The following TMEM245 variants were observed in gnomAD, a reference collection of about 807,000 sequenced individuals.
The protein encoded by TMEM245 is protein CG-2.
TMEM245 carries 69 observed loss-of-function variants against 101.2 expected under a neutral mutation model. That is an observed-to-expected ratio of 0.68 (90% CI 0.56 to 0.83). The LOEUF is 0.83. Ranked by LOEUF, TMEM245 falls within the 40% of genes least tolerant of loss-of-function variation. The probability of loss-of-function intolerance (pLI) is 0.00; values close to 1 mark genes in which losing one functional copy is unlikely to be tolerated. For missense variants in TMEM245, 1,075 were observed against 1,092.8 expected (o/e 0.98, Z 0.23); for synonymous variants, 537 against 449.8 (o/e 1.19, Z -2.45).
At chr9:109,075,493 C>T (rs1386770754) in intron 8 of TMEM245, among the ~76,000 whole-genome samples, 3 of 152,156 alleles carry the variant, frequency 2.0e-5, no homozygotes, top group Admixed American at 6.6e-5. Context: ...TGGGCCTGAG[C>T]GCTTCTTGGT....
chr9:109,107,203 C>T (rs777457021), intron 2 of TMEM245, among the ~76,000 whole-genome samples: 1 of 151,008 alleles, frequency 6.6e-6, no homozygotes, highest in Non-Finnish European at 1.5e-5. Flanking sequence ...GCCTGGCCAG[C>T]ATGGTGAAAT....
At chr9:109,084,603 G>C (rs949594829) in intron 7 of TMEM245, among the ~76,000 whole-genome samples, 13 of 152,268 alleles carry the variant, frequency 8.5e-5, no homozygotes, top group African/African-American at 3.1e-4. Flanking sequence ...CATCGCTTGA[G>C]CCCAAGTTCA....
intron 16 of TMEM245, among the ~76,000 whole-genome samples, chr9:109,033,921 C>T (rs533517076): frequency 6.6e-6 from 1 of 152,294 alleles, no homozygotes; most frequent in Non-Finnish European, 1.5e-5. Context: ...TATATGACGA[C>T]AGCAACAATG....
rs1271046950 is a variant in TMEM245, at chr9:109,019,748, T to C, written c.*712A>G. The C allele has an allele frequency of 6.6e-6, 1 of 152,612 alleles. No individual in the cohort carries two copies. 9.5% of individuals were successfully genotyped at this position (152,612 alleles called of 1,614,324 possible). A position where few individuals can be genotyped will look rare whatever the true frequency, so the allele number is the denominator to read the frequency against. ...CATACTGTTACCATTCATAGCAGCT[T>C]AATAAGTATTTCACTTCAACGTGGT... is the stretch of plus-strand genomic sequence containing the variant. On this transcript the variant is annotated 3_prime_UTR_variant, in exon 18 of 18. Coordinates refer to ENST00000374586, the MANE Select transcript of TMEM245 (RefSeq NM_032012.4).
intron 7 of TMEM245, among the ~76,000 whole-genome samples, chr9:109,082,014 C>A (rs1261158328): frequency 6.6e-6 from 1 of 152,152 alleles, no homozygotes; most frequent in Non-Finnish European, 1.5e-5. Flanking sequence ...ATGCACTGCT[C>A]AACCCCAAGG....
intron 17 of TMEM245, among the ~76,000 whole-genome samples, chr9:109,031,966 T>C (rs1411836928): frequency 1.3e-5 from 2 of 152,252 alleles, no homozygotes; most frequent in Non-Finnish European, 2.9e-5. Context: ...TAAAAATGTA[T>C]AAACCTACAC....
chr9:109,065,706 T>C (rs1409816126), intron 9 of TMEM245, among the ~76,000 whole-genome samples: 2 of 152,166 alleles, frequency 1.3e-5, no homozygotes, highest in Non-Finnish European at 2.9e-5. Flanking sequence ...ATTATCTAAA[T>C]TGTTCCTCTT....
At position 109,017,271 on chromosome 9, in the gene TMEM245, C is replaced by G. The variant is rs185738163; in HGVS notation, c.*3189G>C. On this transcript the variant is annotated 3_prime_UTR_variant, in exon 18 of 18. Transcript: ENST00000374586. Reference sequence around the variant, plus strand: ...TCCATGTAACATGTTGGATTTCTTCCCACTGTCATGGGCCAACCCACACTA... The same window carrying G: ...TCCATGTAACATGTTGGATTTCTTCGCACTGTCATGGGCCAACCCACACTA... 6.6e-6 allele frequency: 1 copy of G among 152,296 alleles called. No individual in the cohort carries two copies. Among genetic ancestry groups the G allele is most frequent in the East Asian group, 1.9e-4 (1 of 5,188 alleles). 9.4% of individuals were successfully genotyped at this position (152,296 alleles called of 1,614,324 possible).
chr9:109,048,419 G>A (rs1216196958), intron 14 of TMEM245, among the ~76,000 whole-genome samples: 1 of 151,306 alleles, frequency 6.6e-6, no homozygotes, highest in Non-Finnish European at 1.5e-5. Flanking sequence ...GATCAATCAG[G>A]TGCAATTATC....
At chr9:109,050,235 G>T in intron 14 of TMEM245, 48 bp downstream of exon 14, 1 of 1,604,776 alleles carries the variant, frequency 6.2e-7, no homozygotes, top group Non-Finnish European at 8.5e-7. Context: ...GCTTATCATG[G>T]AAAAAAAGTT....
In TMEM245 at chr9:109,050,581, C is replaced by T. The variant is rs1353428024; in HGVS notation, c.1966G>A (p.Val656Ile). Residue 656 changes from valine (V) to isoleucine (I), a missense_variant, in exon 13 of 18, where the codon GTA becomes ATA. This residue lies in a region of TMEM245 where 267 missense variants were observed against 351.3 expected (regional missense o/e 0.76). Transcript: ENST00000374586. ...CTATGTGGACGTACCAGAGAGAGTA[C>T]AAAATTGAGAAGGGCTGTCCCGCTG... ...FYSGTALLNF[V>I]LSLIIFLTTL... 6.2e-7 allele frequency: 1 copy of T among 1,613,664 alleles called. No individual in the cohort carries two copies. The highest frequency in any genetic ancestry group is 2.2e-5 in the East Asian group (1 of 44,860).
intron 14 of TMEM245, chr9:109,046,224 CAT>C (rs1472507355): frequency 1.9e-6 from 1 of 534,502 alleles, no homozygotes; most frequent in South Asian, 1.4e-5. Context: ...TGCATGCACT[CAT>C]GTGAAAATAT....
rs955455520 is a variant in TMEM245, at chr9:109,015,794, TCTGAAAA to T, written c.*4659_*4665del. ...TCTCACAGGGCTGTTACAAAAGGTG[TCTGAAAA>T]CTATAAAGTGCCATACAAAAGCATT... On this transcript the variant is annotated 3_prime_UTR_variant, in exon 18 of 18. Transcript: ENST00000374586. 2 of 152,456 alleles carry T rather than the reference TCTGAAAA, an allele frequency of 1.3e-5. No individual in the cohort carries two copies. Among genetic ancestry groups the T allele is most frequent in the Non-Finnish European group, 2.9e-5 (2 of 68,038 alleles). The allele number at this position is 152,456 out of a possible 1,614,324, so 9.4% of individuals were successfully genotyped here.
intron 3 of TMEM245, among the ~76,000 whole-genome samples, chr9:109,105,294 CATA>C (rs1037229401): frequency 4.6e-5 from 7 of 152,022 alleles, no homozygotes; most frequent in East Asian, 1.9e-4. Context: ...AAATGAAAAC[CATA>C]ATGAGATACC....
At chr9:109,056,865 C>G (rs1828854564) in intron 12 of TMEM245, among the ~76,000 whole-genome samples, 1 of 152,110 alleles carries the variant, frequency 6.6e-6, no homozygotes, top group South Asian at 2.1e-4. Context: ...TCAACACATC[C>G]CATCCCTCCA....
intron 11 of TMEM245, among the ~76,000 whole-genome samples, chr9:109,058,508 G>C (rs1828914626): frequency 1.3e-5 from 2 of 152,198 alleles, no homozygotes; most frequent in South Asian, 2.1e-4. Flanking sequence ...GAGGCGAGAG[G>C]ATCACTTGAG....
intron 1 of TMEM245, among the ~76,000 whole-genome samples, chr9:109,114,097 ACAC>A (rs950983212): frequency 1.3e-5 from 2 of 152,034 alleles, no homozygotes; most frequent in African/African-American, 4.8e-5. Flanking sequence ...CAAAACAAAA[ACAC>A]CACAACTACA....
At position 109,109,327 on chromosome 9, in the gene TMEM245, A is replaced by C. The variant is rs576307235; in HGVS notation, c.580-757T>G. Among the ~76,000 whole-genome samples, 6 of 152,236 alleles carry C rather than the reference A, an allele frequency of 3.9e-5. No individual in the cohort carries two copies. The East Asian group carries it at 1.2e-3, about 29-fold the overall frequency. Reference sequence around the variant, plus strand: ...ACACAGAAACTCATATTTTAATAGAACATTTATAAAACACAGAGGGAATAC... The same window carrying C: ...ACACAGAAACTCATATTTTAATAGACCATTTATAAAACACAGAGGGAATAC... On this transcript the variant is annotated intron_variant, in intron 1 of 17. Coordinates refer to ENST00000374586, the MANE Select transcript of TMEM245 (RefSeq NM_032012.4).
intron 3 of TMEM245, among the ~76,000 whole-genome samples, chr9:109,097,146 C>T (rs1186146355): frequency 6.6e-6 from 1 of 152,160 alleles, no homozygotes; most frequent in African/African-American, 2.4e-5. Flanking sequence ...CCTTTAAATC[C>T]ATTTTAACAA....
Sources: allele counts gnomAD v4.1 joint callset (sites outside exome capture counted in the v4.1 genomes callset), GRCh38; gene constraint gnomAD v4.1.1; regional missense constraint gnomAD v4.1.1; transcripts MANE v1.5; gene names NCBI Gene and HGNC (gene_info 2026-07-23, HGNC 2026-07-21).